FGR: variants seen among roughly 807,000 people sequenced by gnomAD.
FGR encodes FGR proto-oncogene, Src family tyrosine kinase, also known as tyrosine-protein kinase Fgr.
A neutral mutation model predicts 63.2 loss-of-function variants in FGR; 26 were observed. The observed-to-expected ratio is 0.41, with a 90% CI of 0.30 to 0.57. The LOEUF is 0.57. Ranked by LOEUF, FGR falls within the 20% of genes least tolerant of loss-of-function variation. FGR has a pLI of 0.27. For synonymous variants in FGR, 286 were observed against 277.7 expected (o/e 1.03, Z -0.30); for missense variants, 511 against 690.8 (o/e 0.74, Z 2.92).
chr1:27,612,584 G>A lies in FGR; in HGVS notation c.*330C>T. 1 of 260,434 alleles carries A rather than the reference G, an allele frequency of 3.8e-6. No homozygotes were observed. The highest frequency in any genetic ancestry group is 4.8e-5 in the Admixed American group (1 of 20,628). 16.1% of individuals were successfully genotyped at this position (260,434 alleles called of 1,614,324 possible). On this transcript the variant is annotated 3_prime_UTR_variant, in exon 13 of 13. Transcript: ENST00000374005. ...GAAAGCAGTGATAGGAGAGAAGTGA[G>A]GGAGGTACATACAGTTTTATAAATA...
rs1414228976 is a variant in FGR, at chr1:27,615,576, C to T, written c.876G>A (p.Thr292=). ...WNGSTKVAVK[T]LKPGTMSPKA... is the part of the protein sequence containing the mutation. ...TCGGGGACATGGTGCCCGGCTTCAG[C>T]GTCTTCACCGCCACCTTAGTGCTGC... Residue 292 remains threonine, a synonymous_variant, in exon 9 of 13, where the codon ACG becomes ACA. Transcript: ENST00000374005. The surrounding 1 kb of genome is among the most constrained non-coding windows in gnomAD (Gnocchi z 7.6). The T allele has an allele frequency of 1.9e-6, 3 of 1,613,096 alleles. No homozygotes were observed. The highest frequency in any genetic ancestry group is 2.5e-6 in the Non-Finnish European group (3 of 1,179,238).
chr1:27,623,792 C>T lies in FGR; in HGVS notation c.125G>A (p.Arg42Gln), dbSNP rs371790198. Residue 42 changes from arginine (R) to glutamine (Q), a missense_variant, in exon 3 of 13, where the codon CGG (arginine) becomes CAG (glutamine). Arg to Gln is a conservative substitution (Grantham distance 43, BLOSUM62 1). Coordinates refer to ENST00000374005, the MANE Select transcript of FGR (RefSeq NM_005248.3). ...GATGTGGGCAAATGAGGATGCAGGCCGGGCCTTAGTGGGGTCAGGCCCATA... is the reference window on the plus strand; with the variant it reads ...GATGTGGGCAAATGAGGATGCAGGCTGGGCCTTAGTGGGGTCAGGCCCATA... ...DHYGPDPTKARPASSFAHIPN... is the reference protein window; with the variant it reads ...DHYGPDPTKAQPASSFAHIPN... 110 of 1,614,218 alleles carry T rather than the reference C, an allele frequency of 6.8e-5. No individual in the cohort carries two copies. In the Middle Eastern group the frequency reaches 8.9e-3, roughly 131 times the overall value.
chr1:27,622,838 A>G (rs2089955106), intron 4 of FGR, among the ~76,000 whole-genome samples: 1 of 152,166 alleles, frequency 6.6e-6, no homozygotes, highest in Admixed American at 6.5e-5. Flanking sequence ...CAGCTTAAAA[A>G]TCATCTCCTC....
In FGR at chr1:27,627,879, G is replaced by A. The variant is rs558762704; in HGVS notation, c.-76-2728C>T. On this transcript the variant is annotated intron_variant, in intron 1 of 12. Transcript: ENST00000374005. Reference sequence around the variant, plus strand: ...CTGCCTTGGCCTCCCAAAGTGTTGGGATTACAGGGGTGAGCCACTGCACCT... The same window carrying A: ...CTGCCTTGGCCTCCCAAAGTGTTGGAATTACAGGGGTGAGCCACTGCACCT... 4.6e-5 allele frequency among the ~76,000 whole-genome samples: 7 copies of A among 152,244 alleles called. No homozygotes were observed. The South Asian group carries it at 1.5e-3, about 32-fold the overall frequency.
chr1:27,626,341 C>T, intron 1 of FGR: 1 of 397,334 alleles, frequency 2.5e-6, no homozygotes, highest in Non-Finnish European at 4.4e-6. Flanking sequence ...AGAGGGGCCC[C>T]AAGGTCCTAG....
intron 5 of FGR, among the ~76,000 whole-genome samples, chr1:27,619,115 G>C (rs983838854): frequency 3.9e-5 from 6 of 152,168 alleles, no homozygotes; most frequent in Non-Finnish European, 7.3e-5. Context: ...TTTCCCCAAA[G>C]TGGGGTCCTA....
At chr1:27,613,892 A>G (rs1345319552) in intron 11 of FGR, among the ~76,000 whole-genome samples, 1 of 152,044 alleles carries the variant, frequency 6.6e-6, no homozygotes, top group Non-Finnish European at 1.5e-5. Context: ...AACGGCCAAT[A>G]CTTGGCTAGC....
rs555955405 is a variant in FGR, at chr1:27,617,176, C to T, written c.532+17G>A. 2.0e-5 allele frequency: 33 copies of T among 1,610,004 alleles called. No homozygotes were observed. The highest frequency in any genetic ancestry group is 2.8e-5 in the Non-Finnish European group (33 of 1,176,314). The stretch of plus-strand genomic sequence containing the variant: ...GCTGGGCCTCCCAGTCGCCTTGGGG[C>T]GTGGCACCACCCCTACCTTTGGTGG... On this transcript the variant is annotated intron_variant, in intron 6 of 12. Transcript: ENST00000374005. The surrounding 1 kb of genome is among the most constrained non-coding windows in gnomAD (Gnocchi z 4.5).
rs923003405 is a variant in FGR at position 27,628,828 on chromosome 1, G to A, written c.-76-3677C>T. 7.2e-5 allele frequency among the ~76,000 whole-genome samples: 11 copies of A among 152,174 alleles called. 1 individual carries two copies. Among genetic ancestry groups the A allele is most frequent in the Admixed American group, 3.9e-4 (6 of 15,264 alleles). On this transcript the variant is annotated intron_variant, in intron 1 of 12. Transcript: ENST00000374005. Reference sequence around the variant, plus strand: ...GAGCCCTGGCAGGACTGACCGTGTCGTCAGCAGGCAGAGGTAGGCAGCTCT... The same window carrying A: ...GAGCCCTGGCAGGACTGACCGTGTCATCAGCAGGCAGAGGTAGGCAGCTCT...
intron 1 of FGR, among the ~76,000 whole-genome samples, chr1:27,628,171 C>CA (rs1371903594): frequency 0.056 from 4,823 of 85,916 alleles, 196 homozygotes; most frequent in African/African-American, 0.15. Flanking sequence ...AGCTCTGTCT[C>CA]AAAAAAAAAA....
chr1:27,617,458 G>A lies in FGR; in HGVS notation c.429-162C>T, dbSNP rs867072058. Among the ~76,000 whole-genome samples, 13 of 152,198 alleles carry A rather than the reference G, an allele frequency of 8.5e-5. No individual in the cohort carries two copies. In the East Asian group the frequency reaches 1.9e-3, roughly 23 times the overall value. ...GCTGGGAGGGTTACAGAGAAGGGGA[G>A]TGTAAAATGCCTGGCACACAGTAGG... is the stretch of plus-strand genomic sequence containing the variant. On this transcript the variant is annotated intron_variant, in intron 5 of 12. Transcript: ENST00000374005. The surrounding 1 kb of genome is among the most constrained non-coding windows in gnomAD (Gnocchi z 4.5).
intron 1 of FGR, among the ~76,000 whole-genome samples, chr1:27,631,270 C>T (rs1167779854): frequency 1.3e-5 from 2 of 152,198 alleles, no homozygotes; most frequent in African/African-American, 4.8e-5. Flanking sequence ...CGGTCGAACA[C>T]ACCACCCCTG....
At position 27,615,450 on chromosome 1, in the gene FGR, G is replaced by T. The variant is rs1461078861; in HGVS notation, c.1002C>A (p.Thr334=). The change falls in exon 9 of 13, where the codon ACC becomes ACA. Residue 334 remains threonine (T), a synonymous_variant. Coordinates refer to ENST00000374005, the MANE Select transcript of FGR (RefSeq NM_005248.3). This position sits in a 1 kb window ranked among gnomAD's most constrained non-coding sequence, Gnocchi z 7.6. ...CCTCCTGACCGTGACACATGAACTC[G>T]GTCACGATGTAGATGGGCTCCTCCG... ...VVSEEPIYIV[T]EFMCHGSLLD... 2 of 1,599,544 alleles carry T rather than the reference G, an allele frequency of 1.3e-6. No individual in the cohort carries two copies. The highest frequency in any genetic ancestry group is 2.7e-5 in the African/African-American group (2 of 74,638).
intron 2 of FGR, 142 bp from the exon 3 acceptor site, chr1:27,624,071 A>T (rs2089978560): frequency 1.5e-6 from 1 of 663,648 alleles, no homozygotes; most frequent in African/African-American, 1.8e-5. Context: ...CCTGTAAGGG[A>T]TAAAGGCGGA....
chr1:27,624,003 T>A (rs745399197), intron 2 of FGR, 74 bp from the exon 3 acceptor site: 12 of 1,269,074 alleles, frequency 9.5e-6, no homozygotes, highest in Non-Finnish European at 1.3e-5. Context: ...CGCATGCACA[T>A]GCTCATACGC....
intron 1 of FGR, among the ~76,000 whole-genome samples, chr1:27,634,124 G>T (rs956642713): frequency 6.6e-6 from 1 of 150,512 alleles, no homozygotes; most frequent in Non-Finnish European, 1.5e-5. Context: ...TCCAAAAGGG[G>T]GCGAAGGCGG....
In FGR at chr1:27,616,892, A is replaced by G. The variant is rs775100881; in HGVS notation, c.647T>C (p.Phe216Ser). 1.9e-6 allele frequency: 3 copies of G among 1,614,136 alleles called. No individual in the cohort carries two copies. Among genetic ancestry groups the G allele is most frequent in the South Asian group, 1.1e-5 (1 of 91,084 alleles). Residue 216 changes from phenylalanine (F) to serine (S), a missense_variant, in exon 7 of 13, where the codon TTC becomes TCC. By Grantham distance (155) the Phe-to-Ser change is radical. Coordinates refer to ENST00000374005, the MANE Select transcript of FGR (RefSeq NM_005248.3). The surrounding 1 kb of genome is among the most constrained non-coding windows in gnomAD (Gnocchi z 4.3). ...CTGCACCAGCTCCTGCACCGAGTTGAACTGAACCCGTGTGGTGATGTAGTA... is the reference window on the plus strand; with the variant it reads ...CTGCACCAGCTCCTGCACCGAGTTGGACTGAACCCGTGTGGTGATGTAGTA... ...GGYYITTRVQ[F>S]NSVQELVQHY...
chr1:27,633,760 G>A (rs545277075), intron 1 of FGR, among the ~76,000 whole-genome samples: 21 of 152,262 alleles, frequency 1.4e-4, no homozygotes, highest in African/African-American at 5.1e-4. Context: ...GGGTCTCCCT[G>A]TGCTGCCCAG....
intron 5 of FGR, among the ~76,000 whole-genome samples, chr1:27,618,171 T>TG (rs1324873131): frequency 6.6e-6 from 1 of 152,026 alleles, no homozygotes; most frequent in African/African-American, 2.4e-5. Context: ...CATTGGCAAG[T>TG]GGTGTGTCCA....
Sources: gnomAD v4.1 joint callset for allele counts (sites outside exome capture counted in the v4.1 genomes callset) on GRCh38, gnomAD v4.1.1 for gene constraint, Gnocchi (gnomAD v3.1) non-coding constraint, MANE v1.5 for transcripts, NCBI Gene and HGNC (gene_info 2026-07-23, HGNC 2026-07-21) for gene names.